PRELID2: variants seen among roughly 807,000 people sequenced by gnomAD.
PRELID2 encodes the protein PRELI domain-containing protein 2.
A neutral mutation model predicts 28.4 loss-of-function variants in PRELID2; 25 were observed. The observed-to-expected ratio is 0.88, with a 90% CI of 0.64 to 1.23. The LOEUF (loss-of-function observed/expected upper bound fraction) is 1.23, where lower values mean the gene tolerates loss of function less well. Among genes scored for constraint, PRELID2 ranks in the 50% most tolerant of loss-of-function variants. The pLI, the probability that PRELID2 is intolerant of heterozygous loss-of-function variation, is 0.00. For synonymous variants in PRELID2, 76 were observed against 71.6 expected (o/e 1.06, Z -0.31); for missense variants, 201 against 214.4 (o/e 0.94, Z 0.39).
chr5:145,821,305 G>T (rs1268155494), intron 2 of PRELID2, among the ~76,000 whole-genome samples: 2 of 150,396 alleles, frequency 1.3e-5, no homozygotes, highest in Non-Finnish European at 3.0e-5. Context: ...TCTTCTGTGT[G>T]TGTGTATGTG....
chr5:145,729,753 G>T (rs1296617551), intron 1 of PRELID2, among the ~76,000 whole-genome samples: 2 of 152,160 alleles, frequency 1.3e-5, no homozygotes, highest in Admixed American at 6.6e-5. Flanking sequence ...GAATGTTGGG[G>T]TGATCAGACC....
At chr5:145,662,790 C>T (rs1185026177) in intron 1 of PRELID2, among the ~76,000 whole-genome samples, 3 of 152,066 alleles carry the variant, frequency 2.0e-5, no homozygotes, top group Non-Finnish European at 4.4e-5. Flanking sequence ...AGCAAAAAGG[C>T]TCTTACGAGA....
the PRELID2 span, among the ~76,000 whole-genome samples, chr5:145,364,097 G>C: frequency 1.3e-5 from 2 of 151,908 alleles, no homozygotes; most frequent in African/African-American, 4.8e-5. Flanking sequence ...CTTCATAAGA[G>C]CTACTTTTAA....
the PRELID2 span, among the ~76,000 whole-genome samples, chr5:145,464,307 G>A: frequency 6.6e-6 from 1 of 152,118 alleles, no homozygotes; most frequent in Non-Finnish European, 1.5e-5. Flanking sequence ...AATAATATTA[G>A]AATAAGGGAA....
In PRELID2 at chr5:145,812,303, A is replaced by C. The variant is rs1159475245; in HGVS notation, c.368+5591T>G. ...TGGACATACAGAGAAAGGTAGAGCC[A>C]AAAGAATAAGAGCTATGGAAATACT... On this transcript the variant is annotated intron_variant, in intron 4 of 6. Transcript: ENST00000683046. 2.0e-5 allele frequency among the ~76,000 whole-genome samples: 3 copies of C among 152,256 alleles called. No individual in the cohort carries two copies. In the East Asian group the frequency reaches 5.8e-4, roughly 29 times the overall value.
intron 1 of PRELID2, among the ~76,000 whole-genome samples, chr5:145,824,425 CGTGTGTGTGTGTGTGTGT>C (rs369429281): frequency 4.2e-5 from 4 of 96,160 alleles, no homozygotes; most frequent in African/African-American, 1.2e-4. Flanking sequence ...CCACAGCAGG[CGTGTGTGTGTGTGTGTGT>C]GTGTGTGTGT....
the PRELID2 span, among the ~76,000 whole-genome samples, chr5:145,273,095 G>A: frequency 6.6e-6 from 1 of 152,056 alleles, no homozygotes; most frequent in African/African-American, 2.4e-5. Context: ...TATCCTAAAG[G>A]GCAAGGGAAA....
At chr5:145,588,410 A>T (rs1442703178) in intron 1 of PRELID2, among the ~76,000 whole-genome samples, 1 of 152,016 alleles carries the variant, frequency 6.6e-6, no homozygotes, top group Non-Finnish European at 1.5e-5. Flanking sequence ...GAAAACTCCT[A>T]TTCCCTCAAG....
intron 1 of PRELID2, among the ~76,000 whole-genome samples, chr5:145,655,631 C>T (rs569053047): frequency 6.6e-6 from 1 of 152,202 alleles, no homozygotes; most frequent in East Asian, 1.9e-4. Context: ...ACAAACCTGA[C>T]ACAAACAAGA....
intron 1 of PRELID2, among the ~76,000 whole-genome samples, chr5:145,579,553 A>G (rs577437455): frequency 6.6e-6 from 1 of 152,244 alleles, no homozygotes; most frequent in African/African-American, 2.4e-5. Context: ...TAATTTAACT[A>G]TGTGGCCTGC....
chr5:145,370,601 A>G, the PRELID2 span, among the ~76,000 whole-genome samples: 4 of 151,910 alleles, frequency 2.6e-5, no homozygotes, highest in African/African-American at 9.7e-5. Flanking sequence ...TCTTGGCTAT[A>G]TGGGGTCTTC....
At chr5:145,670,827 A>G (rs1245933723) in intron 1 of PRELID2, among the ~76,000 whole-genome samples, 1 of 152,160 alleles carries the variant, frequency 6.6e-6, no homozygotes, top group African/African-American at 2.4e-5. Context: ...CTAGAAAACA[A>G]CTAAAATGTT....
chr5:145,461,083 A>T, the PRELID2 span, among the ~76,000 whole-genome samples: 1 of 152,324 alleles, frequency 6.6e-6, no homozygotes, highest in East Asian at 1.9e-4. Context: ...TACGAGACAA[A>T]GTAGTACAAA....
chr5:145,289,141 A>T, the PRELID2 span, among the ~76,000 whole-genome samples: 1 of 151,758 alleles, frequency 6.6e-6, no homozygotes, highest in South Asian at 2.1e-4. Flanking sequence ...CTCCTAAATG[A>T]TTTTTTTTAA....
chr5:145,636,580 C>T (rs753092287), intron 1 of PRELID2, among the ~76,000 whole-genome samples: 1 of 152,212 alleles, frequency 6.6e-6, no homozygotes. Flanking sequence ...TTCCTAATTG[C>T]TCTTGGGTAT....
the PRELID2 span, among the ~76,000 whole-genome samples, chr5:145,356,308 C>T: frequency 2.0e-5 from 3 of 151,756 alleles, no homozygotes; most frequent in East Asian, 1.9e-4. Context: ...TCGTTAGAGT[C>T]CAGAGCTTTA....
chr5:145,528,955 A>T (rs893110088), intron 1 of PRELID2, among the ~76,000 whole-genome samples: 13 of 152,132 alleles, frequency 8.5e-5, no homozygotes, highest in African/African-American at 3.1e-4. Context: ...GCTCTCCTCC[A>T]TTCCCCAACT....
the PRELID2 span, among the ~76,000 whole-genome samples, chr5:145,256,730 A>G: frequency 6.6e-6 from 1 of 151,990 alleles, no homozygotes; most frequent in Non-Finnish European, 1.5e-5. Flanking sequence ...AAAATTCTTT[A>G]AAGTAGCCAG....
chr5:145,616,542 A>G (rs1753700716), intron 1 of PRELID2, among the ~76,000 whole-genome samples: 1 of 152,132 alleles, frequency 6.6e-6, no homozygotes, highest in African/African-American at 2.4e-5. Flanking sequence ...TCCAGGGGAG[A>G]CATCACATGT....
Sources: gnomAD v4.1 joint callset for allele counts (sites outside exome capture counted in the v4.1 genomes callset) on GRCh38, gnomAD v4.1.1 for gene constraint, MANE v1.5 for transcripts, NCBI Gene and HGNC (gene_info 2026-07-23, HGNC 2026-07-21) for gene names.